ADAMTS9: variants seen among roughly 807,000 people sequenced by gnomAD.
ADAMTS9 encodes the protein ADAM metallopeptidase with thrombospondin type 1 motif 9.
ADAMTS9 carries 107 observed loss-of-function variants against 257.1 expected under a neutral mutation model. The observed-to-expected ratio is 0.42, with a 90% CI of 0.36 to 0.49. ADAMTS9 has a LOEUF of 0.49. Ranked by LOEUF, ADAMTS9 falls within the 20% of genes least tolerant of loss-of-function variation. ADAMTS9 has a pLI of 0.03. For missense variants in ADAMTS9, 2,353 were observed against 2,469.1 expected (o/e 0.95, Z 1.00); for synonymous variants, 982 against 880.9 (o/e 1.11, Z -2.03).
chr3:64,624,212 A>G (rs1700173637), intron 16 of ADAMTS9, among the ~76,000 whole-genome samples: 1 of 151,732 alleles, frequency 6.6e-6, no homozygotes, highest in Non-Finnish European at 1.5e-5. Context: ...AGGGTAGATG[A>G]TAAGTGTTGA....
chr3:64,615,970 G>A lies in ADAMTS9; in HGVS notation c.3014C>T (p.Ala1005Val). 2 of 1,613,028 alleles carry A rather than the reference G, an allele frequency of 1.2e-6. No homozygotes were observed. Among genetic ancestry groups the A allele is most frequent in the Non-Finnish European group, 1.7e-6 (2 of 1,179,942 alleles). ...ECNTGGWRYS[A>V]WTECSKSCDG... ...TGAGAGCCAACTTACTTCAGTCCAG[G>A]CAGAATAGCGCCAGCCACCCGTGTT... The change falls in exon 20 of 40, where the codon GCC (alanine) becomes GTC (valine). Residue 1005 changes from alanine (A) to valine (V), a missense_variant. By Grantham distance (64) the Ala-to-Val change is moderately conservative (BLOSUM62 0). Coordinates refer to ENST00000498707, the MANE Select transcript of ADAMTS9 (RefSeq NM_182920.2).
intron 37 of ADAMTS9, among the ~76,000 whole-genome samples, chr3:64,534,221 T>A (rs2083018170): frequency 6.6e-6 from 1 of 152,042 alleles, no homozygotes; most frequent in Admixed American, 6.6e-5. Flanking sequence ...GTAAGAAAAA[T>A]TCTTTCACCT....
In ADAMTS9 at chr3:64,639,057, A is replaced by G. The variant is rs540898209; in HGVS notation, c.1856+2791T>C. Among the ~76,000 whole-genome samples, 10 of 152,206 alleles carry G rather than the reference A, an allele frequency of 6.6e-5. No homozygotes were observed. In the South Asian group the frequency reaches 1.9e-3, roughly 28 times the overall value. On this transcript the variant is annotated intron_variant, in intron 12 of 39. Transcript: ENST00000498707. ...GACAGCAACCACTTCTACGTTCTAC[A>G]TAATGAACCATCTGCTCTGTGAATT...
chr3:64,616,284 A>G (rs761641506), intron 19 of ADAMTS9, 114 bp from the exon 20 acceptor site: 2 of 1,135,956 alleles, frequency 1.8e-6, no homozygotes, highest in Non-Finnish European at 2.5e-6. Flanking sequence ...TAACTCGAAT[A>G]CCATGAAGCC....
chr3:64,637,200 G>T (rs1700522748), intron 12 of ADAMTS9, among the ~76,000 whole-genome samples: 1 of 152,156 alleles, frequency 6.6e-6, no homozygotes, highest in South Asian at 2.1e-4. Context: ...CTATGTAATA[G>T]AGAAAGCTTC....
intron 19 of ADAMTS9, among the ~76,000 whole-genome samples, chr3:64,617,471 C>G (rs1472714608): frequency 1.3e-5 from 2 of 152,116 alleles, no homozygotes; most frequent in Non-Finnish European, 2.9e-5. Context: ...GAAAAGTTCT[C>G]AAAATGCTAC....
Position 64,604,252 on chromosome 3 carries a change from T to C in ADAMTS9, c.3554A>G (p.Gln1185Arg). The change falls in exon 24 of 40, where the codon CAG becomes CGG. Residue 1185 changes from glutamine to arginine, a missense_variant. By Grantham distance (43) the Gln-to-Arg change is conservative (BLOSUM62 1). This residue lies in a region of ADAMTS9 where 1,402 missense variants were observed against 1,441.4 expected (regional missense o/e 0.97). Coordinates refer to ENST00000498707, the MANE Select transcript of ADAMTS9 (RefSeq NM_182920.2). The part of the protein sequence containing the change: ...RRSTYSAPRT[Q>R]WRFGSWTPCS... Reference sequence around the variant, plus strand: ...TGGGGTCCAAGACCCAAATCGCCACTGGGTTCTTGGTGCACTGTATGTGCT... The same window carrying C: ...TGGGGTCCAAGACCCAAATCGCCACCGGGTTCTTGGTGCACTGTATGTGCT... 6.2e-7 allele frequency: 1 copy of C among 1,613,554 alleles called. No homozygotes were observed. The highest frequency in any genetic ancestry group is 8.5e-7 in the Non-Finnish European group (1 of 1,179,802).
intron 4 of ADAMTS9, among the ~76,000 whole-genome samples, chr3:64,657,520 T>A (rs1007145078): frequency 3.3e-5 from 5 of 151,434 alleles, no homozygotes; most frequent in Non-Finnish European, 7.4e-5. Context: ...TTTTTTTTTT[T>A]AATAGAGACC....
chr3:64,586,789 G>T (rs766159696), intron 28 of ADAMTS9: 9 of 152,000 alleles, frequency 5.9e-5, no homozygotes, highest in African/African-American at 1.7e-4. Flanking sequence ...GCCTCAACTC[G>T]GTTTCTTCTG....
At chr3:64,607,703 T>C (rs1400166538) in intron 22 of ADAMTS9, among the ~76,000 whole-genome samples, 5 of 152,126 alleles carry the variant, frequency 3.3e-5, no homozygotes, top group Admixed American at 3.3e-4. Flanking sequence ...CTGAAGCAAC[T>C]GTTAAGCTGG....
At chr3:64,528,719 C>T (rs889576398) in intron 38 of ADAMTS9, among the ~76,000 whole-genome samples, 4 of 152,220 alleles carry the variant, frequency 2.6e-5, no homozygotes, top group Non-Finnish European at 4.4e-5. Flanking sequence ...AACGTTATAA[C>T]ATTAATAGCC....
In ADAMTS9 at chr3:64,686,451, G is replaced by A. The variant is rs985469154; in HGVS notation, c.516+117C>T. 67 of 1,342,810 alleles carry A rather than the reference G, an allele frequency of 5.0e-5. No individual in the cohort carries two copies. The African/African-American group carries it at 9.0e-4, about 18-fold the overall frequency. The allele number at this position is 1,342,810 out of a possible 1,614,324, so 83.2% of individuals were successfully genotyped here. ...TACGAGTTTCTAGCTGATATTTAACGCCGGAGAGGAGCGGAGCCTCGCCAC... is the reference window on the plus strand; with the variant it reads ...TACGAGTTTCTAGCTGATATTTAACACCGGAGAGGAGCGGAGCCTCGCCAC... On this transcript the variant is annotated intron_variant, in intron 2 of 39. Coordinates refer to ENST00000498707, the MANE Select transcript of ADAMTS9 (RefSeq NM_182920.2). This position sits in a 1 kb window ranked among gnomAD's most constrained non-coding sequence, Gnocchi z 4.6.
chr3:64,632,775 C>G (rs927936099), intron 14 of ADAMTS9, among the ~76,000 whole-genome samples: 2 of 149,914 alleles, frequency 1.3e-5, no homozygotes, highest in Admixed American at 6.7e-5. Context: ...CTTAGGGGCT[C>G]TTTCAATCAA....
intron 37 of ADAMTS9, among the ~76,000 whole-genome samples, chr3:64,537,549 G>A (rs1281963583): frequency 1.3e-5 from 2 of 151,960 alleles, no homozygotes; most frequent in East Asian, 3.9e-4. Context: ...TCTCTAAAAC[G>A]TTTAGCAATG....
chr3:64,673,180 G>A (rs1701533780), intron 3 of ADAMTS9, among the ~76,000 whole-genome samples: 1 of 151,732 alleles, frequency 6.6e-6, no homozygotes, highest in African/African-American at 2.4e-5. Context: ...CCCTATGCAT[G>A]ACGGCACTGT....
intron 28 of ADAMTS9, among the ~76,000 whole-genome samples, chr3:64,580,074 C>T (rs2083956513): frequency 6.6e-6 from 1 of 151,996 alleles, no homozygotes; most frequent in Admixed American, 6.6e-5. Flanking sequence ...AAGATGTCAT[C>T]TTAGAGTGAC....
intron 23 of ADAMTS9, among the ~76,000 whole-genome samples, chr3:64,606,433 C>A: frequency 6.6e-6 from 1 of 152,140 alleles, no homozygotes; most frequent in East Asian, 1.9e-4. Flanking sequence ...GTACATCCAC[C>A]ATACAGACAC....
chr3:64,551,144 T>C (rs1232323510), intron 30 of ADAMTS9, 82 bp from the exon 31 acceptor site: 5 of 1,475,546 alleles, frequency 3.4e-6, no homozygotes, highest in Non-Finnish European at 4.7e-6. Context: ...CCTGTCTACA[T>C]AGCCTTTAAG....
At chr3:64,587,371 TATTA>T (rs1395240861) in intron 28 of ADAMTS9, 6 of 152,214 alleles carry the variant, frequency 3.9e-5, no homozygotes, top group Admixed American at 3.9e-4. Flanking sequence ...GCTAGTTTGT[TATTA>T]ATTGTTAGAG....
Sources: gnomAD v4.1 joint callset for allele counts (sites outside exome capture counted in the v4.1 genomes callset) on GRCh38, gnomAD v4.1.1 for gene constraint, gnomAD v4.1.1 regional missense constraint, Gnocchi (gnomAD v3.1) non-coding constraint, MANE v1.5 for transcripts, NCBI Gene and HGNC (gene_info 2026-07-23, HGNC 2026-07-21) for gene names.